The following TRPM1 variants were observed in gnomAD, a reference collection of about 807,000 sequenced individuals.
The protein encoded by TRPM1 is transient receptor potential cation channel subfamily M member 1.
In TRPM1, 113 loss-of-function variants were observed where a neutral mutation model predicts 149.4. That is an observed-to-expected ratio of 0.76 (90% CI 0.65 to 0.88). The LOEUF (loss-of-function observed/expected upper bound fraction) is 0.88. Among genes scored for constraint, TRPM1 ranks in the 40% least tolerant of loss-of-function variants. The probability of loss-of-function intolerance (pLI) is 0.00; values close to 1 mark genes in which losing one functional copy is unlikely to be tolerated. For synonymous variants in TRPM1, 741 were observed against 759.5 expected, an observed-to-expected ratio of 0.98 and a Z score of 0.40; for missense variants, 1,976 against 2,038.7, an observed-to-expected ratio of 0.97 and a Z score of 0.59.
intron 21 of TRPM1, among the ~76,000 whole-genome samples, chr15:31,033,827 C>A (rs1445926500): frequency 6.6e-6 from 1 of 152,176 alleles, no homozygotes; most frequent in East Asian, 1.9e-4. Flanking sequence ...GTAAAGCAGG[C>A]CGCTCAGGAA....
At chr15:31,103,797 A>G (rs2035559953), upstream of TRPM1, among the ~76,000 whole-genome samples, 1 of 145,662 alleles carries the variant, frequency 6.9e-6, no homozygotes, top group Admixed American at 7.1e-5. Context: ...TGGGTGACAG[A>G]GTGAGACTCT....
At chr15:31,131,943 G>A (rs1160734876) in intron 1 of TRPM1, among the ~76,000 whole-genome samples, 1 of 151,606 alleles carries the variant, frequency 6.6e-6, no homozygotes, top group Non-Finnish European at 1.5e-5. Flanking sequence ...AAAATGACTC[G>A]GGCTCCCAGC....
At chr15:31,042,358 A>G in intron 16 of TRPM1, 115 bp from the exon 17 acceptor site, 1 of 1,061,340 alleles carries the variant, frequency 9.4e-7, no homozygotes, top group Non-Finnish European at 1.4e-6. Flanking sequence ...AGACTTCTGA[A>G]GTACATCTTA....
chr15:31,001,127 G>A lies in TRPM1; in HGVS notation c.*695C>T, dbSNP rs1277336096. 1.5e-4 allele frequency: 23 copies of A among 152,146 alleles called. No individual in the cohort carries two copies. Among genetic ancestry groups the A allele is most frequent in the Admixed American group, 1.5e-3 (23 of 15,276 alleles). The allele number at this position is 152,146 out of a possible 1,614,324, so 9.4% of individuals were successfully genotyped here. ...CTCTAGGTCACCCTAAATTATTAGA[G>A]TATGATGTTTGATATAATTGTGTAC... On this transcript the variant is annotated 3_prime_UTR_variant, in exon 28 of 28. Coordinates refer to ENST00000256552, the MANE Select transcript of TRPM1 (RefSeq NM_001252024.2).
intron 1 of TRPM1, among the ~76,000 whole-genome samples, chr15:31,153,420 G>T (rs945487337): frequency 1.3e-5 from 2 of 152,116 alleles, no homozygotes; most frequent in African/African-American, 4.8e-5. Flanking sequence ...CGCCTCCCAG[G>T]TTCAAGCAAT....
intron 1 of TRPM1, among the ~76,000 whole-genome samples, chr15:31,141,591 GAAAAGAGAAAGTA>G (rs1220714802): frequency 6.6e-6 from 1 of 152,146 alleles, no homozygotes; most frequent in Admixed American, 6.5e-5. Context: ...GAAAAATGTT[GAAAAGAGAAAGTA>G]ATTTTTTTTG....
chr15:31,065,312 G>C (rs1386508388), intron 7 of TRPM1, among the ~76,000 whole-genome samples: 1 of 152,140 alleles, frequency 6.6e-6, no homozygotes, highest in Non-Finnish European at 1.5e-5. Context: ...TCCCATACAT[G>C]ATGATTCCCA....
chr15:31,038,126 A>G lies in TRPM1; in HGVS notation c.2357T>C (p.Leu786Ser). The G allele has an allele frequency of 6.2e-7, 1 of 1,613,954 alleles. No individual in the cohort carries two copies. Among genetic ancestry groups the G allele is most frequent in the East Asian group, 2.2e-5 (1 of 44,886 alleles). Reference sequence around the variant, plus strand: ...GAAATCATCATATGTGCGAAATTCCAAAAACAAGATGGTGGGGGGTAGAAG... The same window carrying G: ...GAAATCATCATATGTGCGAAATTCCGAAAACAAGATGGTGGGGGGTAGAAG... ...GILLPPTILFLEFRTYDDFSY... is the reference protein window; with the variant it reads ...GILLPPTILFSEFRTYDDFSY... Residue 786 changes from leucine to serine, a missense_variant, in exon 19 of 28, where the codon TTG becomes TCG. By Grantham distance (145) the Leu-to-Ser change is moderately radical (BLOSUM62 -2). This residue lies in a region of TRPM1 where 1,332 missense variants were observed against 1,347.1 expected (regional missense o/e 0.99). Coordinates refer to ENST00000256552, the MANE Select transcript of TRPM1 (RefSeq NM_001252024.2).
intron 1 of TRPM1, among the ~76,000 whole-genome samples, chr15:31,149,449 T>G (rs1245872664): frequency 6.6e-6 from 1 of 151,998 alleles, no homozygotes; most frequent in African/African-American, 2.4e-5. Context: ...CCCCTGAGCC[T>G]TTGAGGATAA....
Position 31,029,639 on chromosome 15 carries a change from C to T in TRPM1, c.3128-248G>A, listed in dbSNP as rs79134010. ...ATATATATCATGGATATTTATTTTA[C>T]CCTGTGTCATAAGCGAGAGCAAAAG... On this transcript the variant is annotated intron_variant, in intron 23 of 27. Coordinates refer to ENST00000256552, the MANE Select transcript of TRPM1 (RefSeq NM_001252024.2). 0.14 allele frequency among the ~76,000 whole-genome samples: 21,666 copies of T among 152,054 alleles called. 1,725 individuals carry two copies. The highest frequency in any genetic ancestry group is 0.21 in the African/African-American group (8,710 of 41,470).
intron 10 of TRPM1, 117 bp downstream of exon 10, chr15:31,061,325 G>A: frequency 3.0e-6 from 3 of 984,416 alleles, no homozygotes; most frequent in Non-Finnish European, 4.8e-6. Flanking sequence ...TGCTCAAGTG[G>A]CCTGGCTGGC....
intron 22 of TRPM1, 154 bp from the exon 23 acceptor site, chr15:31,031,311 G>GAAAGGAA: frequency 1.3e-6 from 1 of 785,140 alleles, no homozygotes; most frequent in Non-Finnish European, 2.1e-6. Context: ...TCCCTGGGAA[G>GAAAGGAA]GCTTTTTCCT....
intron 11 of TRPM1, among the ~76,000 whole-genome samples, chr15:31,058,596 G>A (rs2034146054): frequency 1.3e-5 from 2 of 152,200 alleles, no homozygotes; most frequent in South Asian, 2.1e-4. Context: ...GATTAAAGAA[G>A]GATATGTACA....
At chr15:31,114,979 G>A (rs976277488) in intron 1 of TRPM1, among the ~76,000 whole-genome samples, 4 of 152,380 alleles carry the variant, frequency 2.6e-5, no homozygotes, top group Admixed American at 2.0e-4. Context: ...CTGAGGCTGG[G>A]CATTGTGGCT....
Position 31,130,852 on chromosome 15 carries a change from G to A in TRPM1, c.54+30054C>T, listed in dbSNP as rs146104201. On this transcript the variant is annotated intron_variant, in intron 1 of 26. Transcript: ENST00000542188. ...AAGACCCTAGTCTCCGAATGTTCAG[G>A]GAGACTGATTTGAGTAATAATAAAA... is the stretch of plus-strand genomic sequence containing the variant. Among the ~76,000 whole-genome samples the A allele has an allele frequency of 4.1e-3, 631 of 152,248 alleles. 2 individuals carry two copies. The highest frequency in any genetic ancestry group is 0.031 in the Middle Eastern group (9 of 294).
At chr15:31,032,598 T>A in intron 22 of TRPM1, 91 bp downstream of exon 22, 1 of 1,512,536 alleles carries the variant, frequency 6.6e-7, no homozygotes, top group Non-Finnish European at 9.2e-7. Context: ...AAAAACCAAA[T>A]GAAATTGAAG....
At chr15:31,016,867 C>T (rs199856474) in intron 27 of TRPM1, among the ~76,000 whole-genome samples, 7 of 152,010 alleles carry the variant, frequency 4.6e-5, no homozygotes, top group East Asian at 1.9e-4. Flanking sequence ...TGATCCTCCA[C>T]GCCCATATTC....
At chr15:31,115,151 A>G (rs745944759) in intron 1 of TRPM1, among the ~76,000 whole-genome samples, 5 of 152,154 alleles carry the variant, frequency 3.3e-5, no homozygotes, top group Non-Finnish European at 7.4e-5. Flanking sequence ...CCAGCTACTC[A>G]GGAGGCTGAG....
chr15:31,038,987 T>TC (rs1479030252), intron 18 of TRPM1, among the ~76,000 whole-genome samples: 10 of 146,498 alleles, frequency 6.8e-5, no homozygotes, highest in African/African-American at 1.8e-4. Flanking sequence ...AAAACATGCT[T>TC]CCCCTTTTTT....
Sources: allele counts gnomAD v4.1 joint callset (sites outside exome capture counted in the v4.1 genomes callset), GRCh38; gene constraint gnomAD v4.1.1; regional missense constraint gnomAD v4.1.1; transcripts MANE v1.5; gene names NCBI Gene and HGNC (gene_info 2026-07-23, HGNC 2026-07-21).